The following SORT1 variants were observed in gnomAD, a reference collection of about 807,000 sequenced individuals.
SORT1 encodes sortilin.
Under a neutral mutation model 101.7 loss-of-function variants are expected in SORT1, and 39 were observed. The ratio of observed to expected loss-of-function variants is 0.38; its 90% CI spans 0.30 to 0.50. The LOEUF (loss-of-function observed/expected upper bound fraction) is 0.50, where lower values mean the gene tolerates loss of function less well. Among genes scored for constraint, SORT1 ranks in the 20% least tolerant of loss-of-function variants. The pLI is 0.90. For synonymous variants in SORT1, 396 were observed against 393.7 expected (o/e 1.01, Z -0.07); for missense variants, 878 against 1,040.4 (o/e 0.84, Z 2.15).
chr1:109,346,215 A>G (rs1019571234), intron 7 of SORT1, among the ~76,000 whole-genome samples: 4 of 151,374 alleles, frequency 2.6e-5, no homozygotes, highest in Non-Finnish European at 4.4e-5. Flanking sequence ...CGGGAGGCTG[A>G]GGCAGGAGAA....
intron 3 of SORT1, among the ~76,000 whole-genome samples, chr1:109,361,707 A>G (rs1006784391): frequency 1.2e-4 from 18 of 152,316 alleles, no homozygotes; most frequent in African/African-American, 4.1e-4. Context: ...AGCTTATACA[A>G]TCTTCATTAT....
At chr1:109,370,583 C>T (rs1382730427) in intron 1 of SORT1, among the ~76,000 whole-genome samples, 3 of 152,276 alleles carry the variant, frequency 2.0e-5, no homozygotes, top group African/African-American at 7.2e-5. Flanking sequence ...TTCCAGGCCA[C>T]ATGCTCACCA....
intron 17 of SORT1, among the ~76,000 whole-genome samples, chr1:109,316,598 T>C (rs1647232122): frequency 6.6e-6 from 1 of 152,174 alleles, no homozygotes; most frequent in Admixed American, 6.5e-5. Context: ...TGTATGATTT[T>C]AAGAATTTTA....
At chr1:109,378,234 C>G (rs1387468441) in intron 1 of SORT1, among the ~76,000 whole-genome samples, 1 of 150,892 alleles carries the variant, frequency 6.6e-6, no homozygotes, top group Non-Finnish European at 1.5e-5. Context: ...GAGACCCGGT[C>G]TATATTTAAA....
intron 3 of SORT1, among the ~76,000 whole-genome samples, chr1:109,364,012 C>T (rs775378572): frequency 6.6e-6 from 1 of 152,054 alleles, no homozygotes; most frequent in Non-Finnish European, 1.5e-5. Context: ...GAAGTGGGTA[C>T]AGAGTCAGTT....
chr1:109,344,360 C>T (rs1340113849), intron 8 of SORT1, among the ~76,000 whole-genome samples: 1 of 152,202 alleles, frequency 6.6e-6, no homozygotes, highest in Admixed American at 6.5e-5. Flanking sequence ...AGAGTAAGGC[C>T]CACATCCTAA....
chr1:109,337,398 C>A (rs772063835), intron 10 of SORT1, among the ~76,000 whole-genome samples: 5 of 151,794 alleles, frequency 3.3e-5, no homozygotes, highest in Non-Finnish European at 7.4e-5. Context: ...AGGCACCTGC[C>A]GCCTGGCTAA....
At chr1:109,346,800 G>A (rs1172992827) in intron 7 of SORT1, among the ~76,000 whole-genome samples, 2 of 151,038 alleles carry the variant, frequency 1.3e-5, no homozygotes, top group South Asian at 2.1e-4. Context: ...TCATGGCACA[G>A]TTTGGAATTA....
intron 2 of SORT1, 103 bp from the exon 3 acceptor site, chr1:109,367,584 T>A: frequency 1.5e-6 from 1 of 665,774 alleles, no homozygotes; most frequent in Non-Finnish European, 2.6e-6. Context: ...TTGATATCCC[T>A]ACTTTGTAGT....
intron 10 of SORT1, among the ~76,000 whole-genome samples, chr1:109,338,300 T>C (rs930116133): frequency 5.9e-5 from 9 of 152,088 alleles, no homozygotes; most frequent in African/African-American, 2.2e-4. Flanking sequence ...GTGGACAGTA[T>C]GATGAGAGTA....
chr1:109,357,500 A>T (rs559975776), intron 3 of SORT1, among the ~76,000 whole-genome samples: 1 of 152,356 alleles, frequency 6.6e-6, no homozygotes, highest in Non-Finnish European at 1.5e-5. Flanking sequence ...CTAGTTAATT[A>T]AGGGCAAAAT....
Position 109,336,348 on chromosome 1 carries a change from T to C in SORT1, c.1265-2A>G. 2 of 1,580,308 alleles carry C rather than the reference T, an allele frequency of 1.3e-6. No homozygotes were observed. The highest frequency in any genetic ancestry group is 1.7e-6 in the Non-Finnish European group (2 of 1,149,006). ...TGATCATGGTCTGGATAGAATTATC[T>C]GAATGGGAAGAGAACAACATTAAGT... On this transcript the variant is annotated splice_acceptor_variant, in intron 10 of 19. Coordinates refer to ENST00000256637, the MANE Select transcript of SORT1 (RefSeq NM_002959.7). LOFTEE classifies it high-confidence loss of function.
At chr1:109,368,205 A>G (rs1215066067) in intron 2 of SORT1, among the ~76,000 whole-genome samples, 2 of 151,242 alleles carry the variant, frequency 1.3e-5, no homozygotes, top group African/African-American at 2.4e-5. Context: ...GAGGCATGAG[A>G]ATTGCTTGAA....
Position 109,326,486 on chromosome 1 carries a change from TATATATACACAC to T in SORT1, c.1643+494_1643+505del, listed in dbSNP as rs1648061756. On this transcript the variant is annotated intron_variant, in intron 13 of 19. Transcript: ENST00000256637. The stretch of plus-strand genomic sequence containing the variant: ...ATATACATACACACACACACACACA[TATATATACACAC>T]ATATATACACACATACACATATATA... Among the ~76,000 whole-genome samples the T allele has an allele frequency of 5.4e-5, 5 of 92,092 alleles. No homozygotes were observed. The South Asian group carries it at 1.6e-3, about 30-fold the overall frequency. 60.4% of individuals were successfully genotyped at this position (92,092 alleles called of 152,430 possible). A position where few individuals can be genotyped will look rare whatever the true frequency, so the allele number is the denominator to read the frequency against.
At chr1:109,354,894 T>C (rs555640539) in intron 4 of SORT1, among the ~76,000 whole-genome samples, 5 of 152,174 alleles carry the variant, frequency 3.3e-5, no homozygotes, top group Non-Finnish European at 1.5e-5. Flanking sequence ...CAAATAAACC[T>C]GTGTGCTCAG....
chr1:109,326,468 T>TATATATAC (rs1211636566), intron 13 of SORT1, among the ~76,000 whole-genome samples: 32 of 62,714 alleles, frequency 5.1e-4, no homozygotes, highest in African/African-American at 1.7e-3. Flanking sequence ...TATATATACA[T>TATATATAC]ACACACACAC....
chr1:109,332,422 A>G (rs892914082), intron 11 of SORT1, among the ~76,000 whole-genome samples: 1 of 152,134 alleles, frequency 6.6e-6, no homozygotes, highest in South Asian at 2.1e-4. Context: ...ATCTCTACCA[A>G]AAAGTACCAA....
At chr1:109,326,448 TATATATATATATATATAC>T (rs1300353906) in intron 13 of SORT1, among the ~76,000 whole-genome samples, 380 of 27,130 alleles carry the variant, frequency 0.014, 13 homozygotes, top group South Asian at 0.035. Context: ...TATATATATA[TATATATATATATATATAC>T]ATACACACAC....
chr1:109,383,107 A>C (rs1231861303), intron 1 of SORT1, among the ~76,000 whole-genome samples: 1 of 152,208 alleles, frequency 6.6e-6, no homozygotes, highest in Non-Finnish European at 1.5e-5. Context: ...AGTCATGAGA[A>C]ACTTACATGT....
Sources: gnomAD v4.1 joint callset for allele counts (sites outside exome capture counted in the v4.1 genomes callset) on GRCh38, gnomAD v4.1.1 for gene constraint, MANE v1.5 for transcripts, NCBI Gene and HGNC (gene_info 2026-07-23, HGNC 2026-07-21) for gene names.